The following GAN variants were observed in gnomAD, a reference collection of about 807,000 sequenced individuals.
The protein encoded by GAN is epididymis secretory sperm binding protein.
A neutral mutation model predicts 71.3 loss-of-function variants in GAN; 48 were observed. The ratio of observed to expected loss-of-function variants is 0.67; its 90% CI spans 0.53 to 0.86. The LOEUF (loss-of-function observed/expected upper bound fraction) is 0.86, where lower values mean the gene tolerates loss of function less well. Among genes scored for constraint, GAN ranks in the 40% least tolerant of loss-of-function variants. The pLI, the probability that GAN is intolerant of heterozygous loss-of-function variation, is 0.00. For synonymous variants in GAN, 386 were observed against 276.8 expected (o/e 1.39, Z -3.92); for missense variants, 928 against 770.1 (o/e 1.21, Z -2.43).
At chr16:81,333,356 C>G (rs1054123057) in intron 1 of GAN, among the ~76,000 whole-genome samples, 1 of 152,082 alleles carries the variant, frequency 6.6e-6, no homozygotes. Flanking sequence ...TCCTCACTAA[C>G]CTGCATTCAC....
At chr16:81,328,005 A>C (rs1448625512) in intron 1 of GAN, among the ~76,000 whole-genome samples, 1 of 152,214 alleles carries the variant, frequency 6.6e-6, no homozygotes, top group Non-Finnish European at 1.5e-5. Context: ...TGTTTCATTG[A>C]AGCAGAATTT....
intron 5 of GAN, among the ~76,000 whole-genome samples, chr16:81,360,898 A>G (rs1272118512): frequency 6.6e-6 from 1 of 152,142 alleles, no homozygotes; most frequent in Admixed American, 6.6e-5. Flanking sequence ...TATGTCTGAT[A>G]TCTGTGGCTG....
At position 81,363,821 on chromosome 16, in the gene GAN, A is replaced by C. The variant is rs1486151245; in HGVS notation, c.1114A>C (p.Ile372Leu). Residue 372 changes from isoleucine to leucine, a missense_variant, in exon 7 of 11, where the codon ATA becomes CTA. Coordinates refer to ENST00000648994, the MANE Select transcript of GAN (RefSeq NM_022041.4). ...AAGACATAACTTCGGAATTGTGGAG[A>C]TAGATGGGATGCTGTACATTTTGGG... ...EARHNFGIVE[I>L]DGMLYILGGE... is the part of the protein sequence containing the mutation. The C allele has an allele frequency of 1.2e-6, 2 of 1,613,296 alleles. No individual in the cohort carries two copies. Among genetic ancestry groups the C allele is most frequent in the African/African-American group, 1.3e-5 (1 of 74,872 alleles).
chr16:81,375,378 C>T lies in GAN; in HGVS notation c.1503-1841C>T, dbSNP rs189409964. 4.2e-5 allele frequency among the ~76,000 whole-genome samples: 6 copies of T among 143,202 alleles called. No individual in the cohort carries two copies. In the East Asian group the frequency reaches 1.2e-3, roughly 29 times the overall value. 93.9% of individuals were successfully genotyped at this position (143,202 alleles called of 152,430 possible). ...TTTTGAGACAGGGTCTCACTTTTGC[C>T]CAGGCTGAAGTGCAGTGGCATGATC... On this transcript the variant is annotated intron_variant, in intron 9 of 10. Coordinates refer to ENST00000648994, the MANE Select transcript of GAN (RefSeq NM_022041.4).
chr16:81,374,859 A>T (rs1015632144), intron 9 of GAN, among the ~76,000 whole-genome samples: 16 of 152,386 alleles, frequency 1.0e-4, no homozygotes, highest in Non-Finnish European at 2.1e-4. Context: ...GTGCCAAGGC[A>T]ATTTAGTGGG....
At chr16:81,351,725 C>G in intron 2 of GAN, 28 bp downstream of exon 2, 2 of 1,038,648 alleles carry the variant, frequency 1.9e-6, no homozygotes, top group Non-Finnish European at 1.5e-6. Context: ...GGAAGGAAGA[C>G]CTAAGTAGAG....
At chr16:81,351,173 G>A (rs1017009641) in intron 1 of GAN, among the ~76,000 whole-genome samples, 2 of 152,206 alleles carry the variant, frequency 1.3e-5, no homozygotes, top group Admixed American at 6.5e-5. Flanking sequence ...AAGACCATCT[G>A]GTTAGAAGCG....
intron 5 of GAN, among the ~76,000 whole-genome samples, chr16:81,361,383 C>G (rs1487855869): frequency 6.9e-6 from 1 of 144,438 alleles, no homozygotes; most frequent in Non-Finnish European, 1.5e-5. Flanking sequence ...TTGGTATTAA[C>G]TGTAAGTTAA....
At chr16:81,360,148 T>C (rs80001036) in intron 5 of GAN, among the ~76,000 whole-genome samples, 3,636 of 152,242 alleles carry the variant, frequency 0.024, 90 homozygotes, top group East Asian at 0.12. Context: ...CATTTAGATT[T>C]GCCACTTTCT....
intron 9 of GAN, among the ~76,000 whole-genome samples, chr16:81,370,313 G>A (rs1730030045): frequency 6.6e-6 from 1 of 152,112 alleles, no homozygotes. Context: ...TGAACTAGAG[G>A]ATAAAAGATG....
At chr16:81,341,536 T>C (rs1909942686) in intron 1 of GAN, among the ~76,000 whole-genome samples, 1 of 152,146 alleles carries the variant, frequency 6.6e-6, no homozygotes, top group Non-Finnish European at 1.5e-5. Context: ...CAAACTAAGC[T>C]TCATAAGTGA....
intron 9 of GAN, among the ~76,000 whole-genome samples, chr16:81,372,402 A>G (rs1911064869): frequency 2.6e-5 from 4 of 152,220 alleles, no homozygotes; most frequent in Admixed American, 2.6e-4. Context: ...CACTCGACAG[A>G]TGAGGAAGCA....
rs1186929245 is a variant in GAN at position 81,338,862 on chromosome 16, A to G, written c.168-12721A>G. Among the ~76,000 whole-genome samples the G allele has an allele frequency of 5.3e-5, 8 of 152,306 alleles. 1 individual carries two copies. Among genetic ancestry groups the G allele is most frequent in the Middle Eastern group, 6.8e-3 (2 of 294 alleles). On this transcript the variant is annotated intron_variant, in intron 1 of 10. Transcript: ENST00000648994. ...GGCCCTTTGAGAGGCCCTGATTTCC[A>G]ACTTTCACTTCATTCTTGGCAGACA...
chr16:81,324,961 T>C (rs1909334540), intron 1 of GAN, among the ~76,000 whole-genome samples: 1 of 152,102 alleles, frequency 6.6e-6, no homozygotes, highest in South Asian at 2.1e-4. Flanking sequence ...ACACAGCAGC[T>C]GGATTACAGA....
chr16:81,372,653 T>C (rs1048066399), intron 9 of GAN, among the ~76,000 whole-genome samples: 1 of 152,212 alleles, frequency 6.6e-6, no homozygotes, highest in Non-Finnish European at 1.5e-5. Context: ...GTAGATCATC[T>C]ATGTAGTCCA....
At chr16:81,372,350 C>T (rs766830643) in intron 9 of GAN, among the ~76,000 whole-genome samples, 19 of 151,746 alleles carry the variant, frequency 1.3e-4, no homozygotes, top group Non-Finnish European at 7.4e-5. Flanking sequence ...TCATTTCATC[C>T]TCACAACAGT....
chr16:81,329,894 A>G (rs563477356), intron 1 of GAN, among the ~76,000 whole-genome samples: 33 of 152,134 alleles, frequency 2.2e-4, no homozygotes, highest in Non-Finnish European at 3.8e-4. Context: ...AGCCCGCTAC[A>G]TGGCCACCTT....
At chr16:81,332,244 G>A (rs1909606140) in intron 1 of GAN, among the ~76,000 whole-genome samples, 1 of 152,164 alleles carries the variant, frequency 6.6e-6, no homozygotes, top group Non-Finnish European at 1.5e-5. Flanking sequence ...AACGGTGGTG[G>A]GTAAACCAGT....
At chr16:81,357,419 C>G (rs1428925604) in intron 4 of GAN, among the ~76,000 whole-genome samples, 1 of 152,142 alleles carries the variant, frequency 6.6e-6, no homozygotes, top group Non-Finnish European at 1.5e-5. Context: ...ATCCATGTCC[C>G]TACAAAGGAC....
Sources: gnomAD v4.1 joint callset for allele counts (sites outside exome capture counted in the v4.1 genomes callset) on GRCh38, gnomAD v4.1.1 for gene constraint, MANE v1.5 for transcripts, NCBI Gene and HGNC (gene_info 2026-07-23, HGNC 2026-07-21) for gene names.